The following BCKDHB variants were observed in gnomAD, a reference collection of about 807,000 sequenced individuals.
BCKDHB encodes the protein branched chain keto acid dehydrogenase E1 subunit beta, also known as 2-oxoisovalerate dehydrogenase subunit beta, mitochondrial.
A neutral mutation model predicts 48.5 loss-of-function variants in BCKDHB; 41 were observed. The ratio of observed to expected loss-of-function variants is 0.85; its 90% CI spans 0.66 to 1.10. The LOEUF (loss-of-function observed/expected upper bound fraction) is 1.10, where lower values mean the gene tolerates loss of function less well. BCKDHB is among the 50% of genes least tolerant of loss of function. The pLI is 0.00. For missense variants in BCKDHB, 496 were observed against 494.2 expected, an observed-to-expected ratio of 1.00 and a Z score of -0.03; for synonymous variants, 201 against 174.8, an observed-to-expected ratio of 1.15 and a Z score of -1.18.
intron 9 of BCKDHB, among the ~76,000 whole-genome samples, chr6:80,324,063 T>C (rs1209067345): frequency 2.0e-5 from 3 of 152,148 alleles, no homozygotes; most frequent in Admixed American, 6.5e-5. Flanking sequence ...TGAGCCACCG[T>C]GCCCGGCCCA....
chr6:80,353,933 G>A, the BCKDHB span, among the ~76,000 whole-genome samples: 1 of 152,168 alleles, frequency 6.6e-6, no homozygotes, highest in Non-Finnish European at 1.5e-5. Flanking sequence ...GCATTTCTAT[G>A]ATGATTAGTG....
chr6:80,383,397 A>G, the BCKDHB span, among the ~76,000 whole-genome samples: 7 of 151,994 alleles, frequency 4.6e-5, no homozygotes, highest in Non-Finnish European at 2.9e-5. Flanking sequence ...TTGCCATTCA[A>G]TTTATAATTT....
the BCKDHB span, among the ~76,000 whole-genome samples, chr6:80,351,582 T>C: frequency 8.6e-5 from 13 of 152,004 alleles, no homozygotes; most frequent in Non-Finnish European, 4.4e-5. Context: ...GTGACCAAAA[T>C]TGGGCCAATC....
At chr6:80,111,318 GA>G (rs1285092258) in intron 1 of BCKDHB, among the ~76,000 whole-genome samples, 1 of 152,180 alleles carries the variant, frequency 6.6e-6, no homozygotes, top group Non-Finnish European at 1.5e-5. Flanking sequence ...GGGCAGTGAG[GA>G]AGACCCTGGG....
At chr6:80,376,536 CTT>C in the BCKDHB span, among the ~76,000 whole-genome samples, 23 of 152,326 alleles carry the variant, frequency 1.5e-4, no homozygotes, top group African/African-American at 5.5e-4. Flanking sequence ...TGTGAATTCT[CTT>C]GGCTTTTCTG....
the BCKDHB span, among the ~76,000 whole-genome samples, chr6:80,453,903 T>C: frequency 2.6e-5 from 4 of 152,196 alleles, no homozygotes; most frequent in African/African-American, 7.2e-5. Context: ...TAATACTGCC[T>C]AGAATAAGTG....
chr6:80,302,454 A>C (rs1349484519), intron 9 of BCKDHB, among the ~76,000 whole-genome samples: 1 of 152,138 alleles, frequency 6.6e-6, no homozygotes, highest in Non-Finnish European at 1.5e-5. Flanking sequence ...TTCCTTTTGC[A>C]AAAGGCTTAT....
At position 80,190,802 on chromosome 6, in the gene BCKDHB, C is replaced by G. The variant is rs532725338; in HGVS notation, c.743-10132C>G. ...TTGGAAGCAAGTAAACTGTATTTTC[C>G]TCACCCCTTTGCTAGCTGAGTTTCA... On this transcript the variant is annotated intron_variant, in intron 6 of 9. Coordinates refer to ENST00000320393, the MANE Select transcript of BCKDHB (RefSeq NM_183050.4). Among the ~76,000 whole-genome samples, 4 of 152,240 alleles carry G rather than the reference C, an allele frequency of 2.6e-5. No individual in the cohort carries two copies. The East Asian group carries it at 7.7e-4, about 29-fold the overall frequency.
At chr6:80,407,848 C>G in the BCKDHB span, among the ~76,000 whole-genome samples, 2 of 152,106 alleles carry the variant, frequency 1.3e-5, no homozygotes, top group Non-Finnish European at 2.9e-5. Flanking sequence ...CCCTTTATTT[C>G]TTTCTTTTGC....
intron 8 of BCKDHB, among the ~76,000 whole-genome samples, chr6:80,246,084 A>G (rs1776599842): frequency 1.3e-5 from 2 of 152,192 alleles, no homozygotes; most frequent in African/African-American, 4.8e-5. Flanking sequence ...TCACTAAATA[A>G]ATAAATGGAT....
intron 1 of BCKDHB, among the ~76,000 whole-genome samples, chr6:80,123,380 GA>G (rs1163795992): frequency 6.6e-6 from 1 of 152,170 alleles, no homozygotes; most frequent in East Asian, 1.9e-4. Context: ...AAATGTCCAT[GA>G]AATTTTCACG....
chr6:80,374,517 C>G, the BCKDHB span: 1 of 732,852 alleles, frequency 1.4e-6, no homozygotes, highest in Non-Finnish European at 2.6e-6. Flanking sequence ...ATTGGAACCT[C>G]TTGATTTGCA....
intron 8 of BCKDHB, among the ~76,000 whole-genome samples, chr6:80,234,817 G>A (rs1230347872): frequency 7.6e-6 from 1 of 131,982 alleles, no homozygotes; most frequent in Non-Finnish European, 1.6e-5. Context: ...ATGAATGAAT[G>A]AAGACAATGT....
chr6:80,419,365 T>A, the BCKDHB span, among the ~76,000 whole-genome samples: 82 of 152,218 alleles, frequency 5.4e-4, no homozygotes, highest in African/African-American at 1.9e-3. Context: ...CTGAGACTGA[T>A]CTGCAAGCAG....
the BCKDHB span, among the ~76,000 whole-genome samples, chr6:80,421,480 G>C: frequency 6.6e-6 from 1 of 152,150 alleles, no homozygotes; most frequent in Admixed American, 6.6e-5. Context: ...AATAGGCAGA[G>C]GTTGGAACAA....
At chr6:80,123,198 A>G (rs1562064797) in intron 1 of BCKDHB, among the ~76,000 whole-genome samples, 1 of 152,056 alleles carries the variant, frequency 6.6e-6, no homozygotes. Flanking sequence ...TTCAAGGTGC[A>G]CTGATTTCAT....
the BCKDHB span, among the ~76,000 whole-genome samples, chr6:80,368,058 G>T: frequency 1.8e-4 from 27 of 152,296 alleles, no homozygotes; most frequent in African/African-American, 6.5e-4. Flanking sequence ...TGGTTTCTGT[G>T]TCATCCAGTC....
intron 8 of BCKDHB, among the ~76,000 whole-genome samples, chr6:80,238,146 G>A (rs1776221964): frequency 6.6e-6 from 1 of 152,142 alleles, no homozygotes; most frequent in Non-Finnish European, 1.5e-5. Context: ...CACCCAGGCT[G>A]GAGTTCAGTG....
At chr6:80,154,791 A>G (rs932972319) in intron 3 of BCKDHB, among the ~76,000 whole-genome samples, 2 of 152,170 alleles carry the variant, frequency 1.3e-5, no homozygotes, top group Non-Finnish European at 2.9e-5. Context: ...AGATTGATAT[A>G]GTAAGTTTGA....
Sources: allele counts gnomAD v4.1 joint callset (sites outside exome capture counted in the v4.1 genomes callset), GRCh38; gene constraint gnomAD v4.1.1; transcripts MANE v1.5; gene names NCBI Gene and HGNC (gene_info 2026-07-23, HGNC 2026-07-21).